ZNF283: variants seen among roughly 807,000 people sequenced by gnomAD.
ZNF283 encodes the protein zinc finger protein 283.
In ZNF283, 10 loss-of-function variants were observed where a neutral mutation model predicts 9.2. That is an observed-to-expected ratio of 1.09 (90% CI 0.67 to 1.85). The LOEUF (loss-of-function observed/expected upper bound fraction) is 1.85. Among genes scored for constraint, ZNF283 ranks in the 40% most tolerant of loss-of-function variants. ZNF283 has a pLI of 0.00. For missense variants in ZNF283, 631 were observed against 760.1 expected (o/e 0.83, Z 2.00); for synonymous variants, 234 against 244.1 (o/e 0.96, Z 0.38).
Position 43,848,118 on chromosome 19 carries a change from A to C in ZNF283, c.1517A>C (p.Gln506Pro), listed in dbSNP as rs1296911556. The stretch of plus-strand genomic sequence containing the variant: ...AGTGGGTATCAACTTACTCGACATC[A>C]GGTATTTCACACTGGTGAGAAACCC... ...FCSGYQLTRH[Q>P]VFHTGEKPYE... The change falls in exon 7 of 7, where the codon CAG becomes CCG. Residue 506 changes from glutamine to proline, a missense_variant. Physicochemically the swap from Gln to Pro is moderately conservative, Grantham distance 76. This residue lies in a region of ZNF283 where 444 missense variants were observed against 522.5 expected (regional missense o/e 0.85). Transcript: ENST00000618787. 3 of 1,613,870 alleles carry C rather than the reference A, an allele frequency of 1.9e-6. No individual in the cohort carries two copies. Among genetic ancestry groups the C allele is most frequent in the Non-Finnish European group, 2.5e-6 (3 of 1,179,874 alleles).
chr19:43,831,295 A>G, intron 2 of ZNF283, 23 bp from the exon 3 acceptor site: 1 of 1,552,592 alleles, frequency 6.4e-7, no homozygotes, highest in East Asian at 2.2e-5. Flanking sequence ...AAGGTGGTTT[A>G]TCTCATTTGT....
chr19:43,833,274 C>A lies in ZNF283; in HGVS notation c.1-231C>A, dbSNP rs529883048. 2.0e-5 allele frequency among the ~76,000 whole-genome samples: 3 copies of A among 151,954 alleles called. No homozygotes were observed. In the South Asian group the frequency reaches 6.2e-4, roughly 32 times the overall value. On this transcript the variant is annotated intron_variant, in intron 3 of 6. Coordinates refer to ENST00000618787, the MANE Select transcript of ZNF283 (RefSeq NM_181845.2). ...CTCCCACATTATGTTAGTTACAAAC[C>A]GGCCTGCCTAAGGAATTGATCATGC...
At chr19:43,846,878 T>G (rs1599731353) in intron 6 of ZNF283, 61 bp from the exon 7 acceptor site, 3 of 209,726 alleles carry the variant, frequency 1.4e-5, no homozygotes, top group Non-Finnish European at 6.6e-6. Flanking sequence ...TCTACTGTAG[T>G]TTTTTTTTTT....
At position 43,835,545 on chromosome 19, in the gene ZNF283, T is replaced by G. The variant is rs1970937764; in HGVS notation, c.163T>G (p.Ser55Ala). ...SGFCASPIEESHGALISSCNS... is the reference protein window; with the variant it reads ...SGFCASPIEEAHGALISSCNS... ...ATTCTGTGCTTCACCAATAGAGGAA[T>G]CCCATGGAGCATTAATTAGTTCTTG... The change falls in exon 5 of 7, where the codon TCC becomes GCC. Residue 55 changes from serine (S) to alanine (A), a missense_variant. Ser to Ala is a moderately conservative substitution (Grantham distance 99). Around this residue, in one of 3 missense-constraint regions of ZNF283, gnomAD observed 184 missense variants for 220.0 expected, o/e 0.84. Transcript: ENST00000618787. 1 of 1,611,504 alleles carries G rather than the reference T, an allele frequency of 6.2e-7. No homozygotes were observed. Among genetic ancestry groups the G allele is most frequent in the South Asian group, 1.1e-5 (1 of 90,332 alleles).
chr19:43,834,526 A>G (rs959997465), intron 4 of ZNF283, among the ~76,000 whole-genome samples: 1 of 151,488 alleles, frequency 6.6e-6, no homozygotes, highest in Non-Finnish European at 1.5e-5. Context: ...AGAAAACATT[A>G]TGATCATAAT....
intron 4 of ZNF283, among the ~76,000 whole-genome samples, chr19:43,834,038 C>A (rs530622801): frequency 6.6e-6 from 1 of 152,134 alleles, no homozygotes; most frequent in African/African-American, 2.4e-5. Context: ...TACCGTTGAA[C>A]CATGATCAAG....
Position 43,849,569 on chromosome 19 carries a change from T to G in ZNF283, c.*928T>G, listed in dbSNP as rs1202877457. On this transcript the variant is annotated 3_prime_UTR_variant, in exon 7 of 7. Transcript: ENST00000618787. ...CAGATATGTTAAATGTGCAGAAGCC[T>G]TCCAACACTATTCAGTCTTTGTTAA... 1 of 152,232 alleles carries G rather than the reference T, an allele frequency of 6.6e-6. No homozygotes were observed. Among genetic ancestry groups the G allele is most frequent in the African/African-American group, 2.4e-5 (1 of 41,472 alleles). 9.4% of individuals were successfully genotyped at this position (152,232 alleles called of 1,614,324 possible). A position where few individuals can be genotyped will look rare whatever the true frequency, so the allele number is the denominator to read the frequency against.
In ZNF283 at chr19:43,851,041, T is replaced by A. The variant is rs1263106848; in HGVS notation, c.*2400T>A. ...CGTAATATCACTGTTCAGTCAGTCA[T>A]TCACCATCTAGTGATCATCATTCTA... is the stretch of plus-strand genomic sequence containing the variant. On this transcript the variant is annotated 3_prime_UTR_variant, in exon 7 of 7. Coordinates refer to ENST00000618787, the MANE Select transcript of ZNF283 (RefSeq NM_181845.2). The A allele has an allele frequency of 1.3e-5, 2 of 152,204 alleles. No homozygotes were observed. The highest frequency in any genetic ancestry group is 2.9e-5 in the Non-Finnish European group (2 of 68,040). The allele number at this position is 152,204 out of a possible 1,614,324, so 9.4% of individuals were successfully genotyped here. A position where few individuals can be genotyped will look rare whatever the true frequency, so the allele number is the denominator to read the frequency against.
Position 43,847,731 on chromosome 19 carries a change from G to A in ZNF283, c.1130G>A (p.Cys377Tyr), listed in dbSNP as rs377171671. The A allele has an allele frequency of 6.2e-7, 1 of 1,613,552 alleles. No individual in the cohort carries two copies. The highest frequency in any genetic ancestry group is 1.3e-5 in the African/African-American group (1 of 74,802). ...KIHTGKKPYE[C>Y]KICGKAFCWG... ...CATACTGGTAAGAAACCTTATGAAT[G>A]TAAAATATGTGGAAAGGCTTTTTGT... Residue 377 changes from cysteine (C) to tyrosine (Y), a missense_variant, in exon 7 of 7, where the codon TGT (cysteine) becomes TAT (tyrosine). Transcript: ENST00000618787.
chr19:43,832,754 A>G (rs1970769739), intron 3 of ZNF283, among the ~76,000 whole-genome samples: 1 of 152,106 alleles, frequency 6.6e-6, no homozygotes, highest in African/African-American at 2.4e-5. Flanking sequence ...GGTGGCTTGC[A>G]CCTGTAATCC....
chr19:43,835,080 G>A (rs771160229), intron 4 of ZNF283, among the ~76,000 whole-genome samples: 17 of 151,974 alleles, frequency 1.1e-4, no homozygotes, highest in South Asian at 2.1e-4. Flanking sequence ...GATGTTCTGC[G>A]TCATGAATAT....
intron 4 of ZNF283, among the ~76,000 whole-genome samples, chr19:43,834,144 TGATTCAGTTATCTG>T: frequency 6.6e-6 from 1 of 152,240 alleles, no homozygotes; most frequent in East Asian, 1.9e-4. Context: ...TAGGATCAGG[TGATTCAGTTATCTG>T]GATTCAGTTA....
intron 5 of ZNF283, 24 bp downstream of exon 5, chr19:43,835,616 T>A (rs1970942293): frequency 6.7e-7 from 1 of 1,501,138 alleles, no homozygotes; most frequent in Admixed American, 1.8e-5. Context: ...TTTCTCTCCA[T>A]GAAATACTGT....
In ZNF283 at chr19:43,837,231, T is replaced by C. The variant is rs748486211; in HGVS notation, c.337+52T>C. The C allele has an allele frequency of 2.0e-6, 3 of 1,515,278 alleles. No homozygotes were observed. In the East Asian group the frequency reaches 7.0e-5, roughly 36 times the overall value. 93.9% of individuals were successfully genotyped at this position (1,515,278 alleles called of 1,614,324 possible). A position where few individuals can be genotyped will look rare whatever the true frequency, so the allele number is the denominator to read the frequency against. On this transcript the variant is annotated intron_variant, in intron 6 of 6. Coordinates refer to ENST00000618787, the MANE Select transcript of ZNF283 (RefSeq NM_181845.2). ...AGAGTCTCCTCTTTGCATCATCAGT[T>C]TTCTGCACTGGAAATTACAGGGCTA...
intron 2 of ZNF283, 34 bp from the exon 3 acceptor site, chr19:43,831,284 G>T: frequency 6.8e-7 from 1 of 1,480,356 alleles, no homozygotes. Context: ...CTCAGACTTT[G>T]AAGGTGGTTT....
intron 2 of ZNF283, among the ~76,000 whole-genome samples, chr19:43,829,305 A>C (rs1203314978): frequency 2.6e-5 from 4 of 152,180 alleles, no homozygotes; most frequent in African/African-American, 4.8e-5. Flanking sequence ...GAATGGCGTG[A>C]ACCCGGGCGG....
In ZNF283 at chr19:43,847,498, C is replaced by G; in HGVS notation, c.897C>G (p.Ala299=). 6.2e-7 allele frequency: 1 copy of G among 1,612,126 alleles called. No individual in the cohort carries two copies. Among genetic ancestry groups the G allele is most frequent in the Non-Finnish European group, 8.5e-7 (1 of 1,179,288 alleles). ...KPYECKECGK[A]FSRGYHLTQH... Reference sequence around the variant, plus strand: ...ATGAATGTAAAGAATGTGGGAAGGCCTTTAGTCGTGGCTATCACCTTACCC... The same window carrying G: ...ATGAATGTAAAGAATGTGGGAAGGCGTTTAGTCGTGGCTATCACCTTACCC... The change falls in exon 7 of 7, where the codon GCC becomes GCG. Residue 299 remains alanine, a synonymous_variant. Transcript: ENST00000618787.
In ZNF283 at chr19:43,831,427, CGTTT is replaced by C. The variant is rs149909778; in HGVS notation, c.-1+50_-1+53del. The C allele has an allele frequency of 7.1e-3, 10,799 of 1,514,874 alleles. 600 individuals carry two copies. The African/African-American group carries it at 0.12, about 17-fold the overall frequency. The allele number at this position is 1,514,874 out of a possible 1,614,324, so 93.8% of individuals were successfully genotyped here. ...GCCCACTGATTTTCAGTGTTGGCCCCGTTTGTTCAGTTTTCTTAATGACTGGAAT... is the reference window on the plus strand; with the variant it reads ...GCCCACTGATTTTCAGTGTTGGCCCCGTTCAGTTTTCTTAATGACTGGAAT... On this transcript the variant is annotated intron_variant, in intron 3 of 6. Transcript: ENST00000618787.
intron 3 of ZNF283, among the ~76,000 whole-genome samples, chr19:43,832,813 C>T (rs762789031): frequency 6.6e-6 from 1 of 151,912 alleles, no homozygotes; most frequent in African/African-American, 2.4e-5. Flanking sequence ...CTCAGGAGTT[C>T]GAGACCAGCC....
Sources: gnomAD v4.1 joint callset for allele counts (sites outside exome capture counted in the v4.1 genomes callset) on GRCh38, gnomAD v4.1.1 for gene constraint, gnomAD v4.1.1 regional missense constraint, MANE v1.5 for transcripts, NCBI Gene and HGNC (gene_info 2026-07-23, HGNC 2026-07-21) for gene names.